The following NRXN1 variants were observed in gnomAD, a reference collection of about 807,000 sequenced individuals.
NRXN1 encodes neurexin-1.
NRXN1 carries 39 observed loss-of-function variants against 150.9 expected under a neutral mutation model. The ratio of observed to expected loss-of-function variants is 0.26; its 90% CI spans 0.20 to 0.34. The LOEUF (loss-of-function observed/expected upper bound fraction) is 0.34. NRXN1 is among the 10% of genes least tolerant of loss of function. NRXN1 has a pLI of 1.00. For missense variants in NRXN1, 1,815 were observed against 1,949.9 expected (o/e 0.93, Z 1.30); for synonymous variants, 924 against 757.0 (o/e 1.22, Z -3.62).
intron 21 of NRXN1, among the ~76,000 whole-genome samples, chr2:49,983,818 A>G (rs1680412330): frequency 1.3e-5 from 2 of 152,226 alleles, no homozygotes; most frequent in Admixed American, 6.5e-5. Context: ...TCTAACATAT[A>G]TCACTGTGCA....
intron 21 of NRXN1, among the ~76,000 whole-genome samples, chr2:50,042,816 C>A (rs1017259732): frequency 1.3e-5 from 2 of 151,996 alleles, no homozygotes; most frequent in African/African-American, 4.8e-5. Flanking sequence ...CTATCTTTTC[C>A]AAAGTGCTAT....
chr2:50,808,441 A>G (rs1396514612), intron 5 of NRXN1, among the ~76,000 whole-genome samples: 1 of 152,104 alleles, frequency 6.6e-6, no homozygotes, highest in African/African-American at 2.4e-5. Context: ...TTTTAGGATT[A>G]AGAGATATAG....
intron 21 of NRXN1, among the ~76,000 whole-genome samples, chr2:49,993,212 G>T (rs1028859618): frequency 6.6e-6 from 1 of 151,912 alleles, no homozygotes; most frequent in Non-Finnish European, 1.5e-5. Context: ...CCCAGATAAT[G>T]GAATATTAAT....
At chr2:49,970,854 C>G (rs758176872) in intron 21 of NRXN1, among the ~76,000 whole-genome samples, 3 of 151,910 alleles carry the variant, frequency 2.0e-5, no homozygotes, top group Non-Finnish European at 4.4e-5. Flanking sequence ...AGTCCATAAA[C>G]CACAGGTAAA....
intron 18 of NRXN1, among the ~76,000 whole-genome samples, chr2:50,204,422 C>T (rs1167091075): frequency 2.0e-5 from 3 of 151,402 alleles, no homozygotes; most frequent in African/African-American, 4.8e-5. Context: ...ATACAAAATG[C>T]TACCTTCCAA....
chr2:50,352,772 ATAATAT>A (rs1169475022), intron 17 of NRXN1, among the ~76,000 whole-genome samples: 66 of 96,080 alleles, frequency 6.9e-4, no homozygotes, highest in African/African-American at 1.4e-3. Context: ...AATAATAATA[ATAATAT>A]TATAATAATA....
At chr2:50,073,122 C>T in intron 19 of NRXN1, among the ~76,000 whole-genome samples, 1 of 152,128 alleles carries the variant, frequency 6.6e-6, no homozygotes. Context: ...CTTCAAATTC[C>T]ACTTCCCGTG....
chr2:50,575,918 T>C (rs1322724524), intron 8 of NRXN1, among the ~76,000 whole-genome samples: 1 of 152,196 alleles, frequency 6.6e-6, no homozygotes, highest in Admixed American at 6.6e-5. Flanking sequence ...TTGCATCTAA[T>C]AATGTTACAT....
chr2:50,702,379 C>T (rs1359608045), intron 5 of NRXN1, among the ~76,000 whole-genome samples: 2 of 151,568 alleles, frequency 1.3e-5, no homozygotes, highest in Non-Finnish European at 2.9e-5. Context: ...AAAACAAAAC[C>T]TCATTTGTAT....
At chr2:49,950,192 A>C (rs1208061476) in intron 21 of NRXN1, among the ~76,000 whole-genome samples, 1 of 151,916 alleles carries the variant, frequency 6.6e-6, no homozygotes, top group Non-Finnish European at 1.5e-5. Context: ...GGTCTATTTG[A>C]TTAAAGCAAA....
chr2:50,828,572 G>A (rs1286648780), intron 5 of NRXN1, among the ~76,000 whole-genome samples: 2 of 143,996 alleles, frequency 1.4e-5, no homozygotes, highest in African/African-American at 2.6e-5. Flanking sequence ...GGGCAGAGGC[G>A]CTCCTTACAT....
At chr2:50,036,366 A>G (rs1256358228) in intron 21 of NRXN1, among the ~76,000 whole-genome samples, 1 of 152,084 alleles carries the variant, frequency 6.6e-6, no homozygotes. Flanking sequence ...CTCTCCAGCT[A>G]TGTTGAGTTG....
At chr2:50,243,772 G>A (rs1381237735) in intron 17 of NRXN1, among the ~76,000 whole-genome samples, 3 of 151,802 alleles carry the variant, frequency 2.0e-5, no homozygotes, top group Non-Finnish European at 1.5e-5. Flanking sequence ...GGTAGACATT[G>A]GAAGTCTGAA....
chr2:50,497,480 G>T lies in NRXN1; in HGVS notation c.2732C>A (p.Thr911Asn). The change falls in exon 14 of 23, where the codon ACC becomes AAC. Residue 911 changes from threonine (T) to asparagine (N), a missense_variant. By Grantham distance (65) the Thr-to-Asn change is moderately conservative. Transcript: ENST00000401669. Reference protein sequence around the residue: ...NIIADPVTFKTKSSYVALATL... With the variant: ...NIIADPVTFKNKSSYVALATL... ...AGCTAAGGCAACATAGCTCGATTTG[G>T]TCTTGAAGGTGACAGGATCTGCTAT... The T allele has an allele frequency of 6.2e-7, 1 of 1,613,892 alleles. No individual in the cohort carries two copies. The highest frequency in any genetic ancestry group is 8.5e-7 in the Non-Finnish European group (1 of 1,179,846).
At chr2:50,329,423 G>T (rs1272626534) in intron 17 of NRXN1, among the ~76,000 whole-genome samples, 1 of 150,716 alleles carries the variant, frequency 6.6e-6, no homozygotes, top group Non-Finnish European at 1.5e-5. Context: ...CCATTGTGCT[G>T]GATAGTACAG....
chr2:50,896,487 A>G (rs1327664597), intron 5 of NRXN1, among the ~76,000 whole-genome samples: 10 of 152,194 alleles, frequency 6.6e-5, no homozygotes, highest in African/African-American at 1.9e-4. Flanking sequence ...TTTCTAAAAA[A>G]TAAACAAGTA....
chr2:50,814,843 C>T (rs1243425730), intron 5 of NRXN1, among the ~76,000 whole-genome samples: 3 of 151,992 alleles, frequency 2.0e-5, no homozygotes, highest in Non-Finnish European at 4.4e-5. Flanking sequence ...CTTAGCATTG[C>T]ACTGGGAATA....
chr2:50,918,373 G>C (rs909214586), intron 5 of NRXN1: 3 of 292,772 alleles, frequency 1.0e-5, no homozygotes, highest in African/African-American at 6.5e-5. Flanking sequence ...TGGTCAAAGA[G>C]AAAGACAAGC....
intron 5 of NRXN1, among the ~76,000 whole-genome samples, chr2:50,648,408 A>G (rs137860854): frequency 1.3e-5 from 2 of 152,140 alleles, no homozygotes; most frequent in East Asian, 3.9e-4. Flanking sequence ...AGCAAAGTAT[A>G]TAAAATGTGT....
Sources: allele counts gnomAD v4.1 joint callset (sites outside exome capture counted in the v4.1 genomes callset), GRCh38; gene constraint gnomAD v4.1.1; transcripts MANE v1.5; gene names NCBI Gene and HGNC (gene_info 2026-07-23, HGNC 2026-07-21).